ZNF248: variants seen among roughly 807,000 people sequenced by gnomAD.
ZNF248 encodes the protein zinc finger protein 248.
In ZNF248, 20 loss-of-function variants were observed where a neutral mutation model predicts 44.3. The ratio of observed to expected loss-of-function variants is 0.45; its 90% CI spans 0.32 to 0.66. The LOEUF is 0.66. Ranked by LOEUF, ZNF248 falls within the 30% of genes least tolerant of loss-of-function variation. The probability of loss-of-function intolerance (pLI) is 0.04; values close to 1 mark genes in which losing one functional copy is unlikely to be tolerated. For synonymous variants in ZNF248, 224 were observed against 229.0 expected, an observed-to-expected ratio of 0.98 and a Z score of 0.20; for missense variants, 654 against 677.0, an observed-to-expected ratio of 0.97 and a Z score of 0.38.
chr10:37,851,342 GGAATCTA>G (rs1475874088), intron 3 of ZNF248, among the ~76,000 whole-genome samples: 1 of 152,104 alleles, frequency 6.6e-6, no homozygotes, highest in Non-Finnish European at 1.5e-5. Flanking sequence ...TGGTACCAGG[GGAATCTA>G]CATTAATTAG....
chr10:37,819,571 T>G (rs2053121863), intron 6 of ZNF248: 1 of 907,460 alleles, frequency 1.1e-6, no homozygotes, highest in Admixed American at 1.7e-5. Flanking sequence ...CTTTAAATTG[T>G]GAGTTATCTT....
downstream of ZNF248, among the ~76,000 whole-genome samples, chr10:37,774,788 T>C (rs1421387258): frequency 7.5e-6 from 1 of 133,850 alleles, no homozygotes; most frequent in African/African-American, 2.5e-5. Flanking sequence ...TCTTTATTCT[T>C]TTTTTTTTGA....
rs1158282211 is a variant in ZNF248 at position 37,822,102 on chromosome 10, T to A, written c.330+10923A>T. On this transcript the variant is annotated intron_variant, in intron 6 of 6. Coordinates refer to the ZNF248 transcript ENST00000615949. ...TCACATTGCTGAATTTAGTGTCCCA[T>A]GAGCCACTGTAGACACTCGGTAGCA... Among the ~76,000 whole-genome samples the A allele has an allele frequency of 2.0e-5, 3 of 152,208 alleles. No homozygotes were observed. In the East Asian group the frequency reaches 5.8e-4, roughly 29 times the overall value.
At chr10:37,798,483 A>G (rs1325062906) in intron 6 of ZNF248, among the ~76,000 whole-genome samples, 2 of 152,148 alleles carry the variant, frequency 1.3e-5, no homozygotes, top group African/African-American at 2.4e-5. Context: ...CATGTGCACT[A>G]ATTTGGAAAG....
intron 6 of ZNF248, chr10:37,818,796 T>C: frequency 4.9e-6 from 4 of 824,720 alleles, no homozygotes; most frequent in Admixed American, 1.9e-5. Context: ...CAGGTGTTAC[T>C]ACTCATTTTG....
Position 37,828,940 on chromosome 10 carries a change from G to A in ZNF248, c.*2675C>T, listed in dbSNP as rs1314906365. 1.0e-6 allele frequency: 1 copy of A among 985,244 alleles called. No individual in the cohort carries two copies. Among genetic ancestry groups the A allele is most frequent in the Admixed American group, 6.2e-5 (1 of 16,258 alleles). The allele number at this position is 985,244 out of a possible 1,614,324, so 61.0% of individuals were successfully genotyped here. On this transcript the variant is annotated 3_prime_UTR_variant, in exon 6 of 6. Coordinates refer to ENST00000395867, the MANE Select transcript of ZNF248 (RefSeq NM_021045.3). ...CAAAGGGAGTTTACTTATGCTAACAGGAAAGCAGAACAAACAGAAACACTT... is the reference window on the plus strand; with the variant it reads ...CAAAGGGAGTTTACTTATGCTAACAAGAAAGCAGAACAAACAGAAACACTT...
chr10:37,791,042 CTTTTTTTTTT>C lies in ZNF248; in HGVS notation c.331-14477_331-14468del, dbSNP rs869199263. On this transcript the variant is annotated intron_variant, in intron 6 of 6. Transcript: ENST00000615949. ...TTGTTTCTCTTATACTTTGTTATTT[CTTTTTTTTTT>C]TTTTTTTTTTTTTTTTTTTGAGACA... 2.7e-4 allele frequency among the ~76,000 whole-genome samples: 14 copies of C among 50,938 alleles called. No homozygotes were observed. In the East Asian group the frequency reaches 3.0e-3, roughly 11 times the overall value. The allele number at this position is 50,938 out of a possible 152,430, so 33.4% of individuals were successfully genotyped here. A position where few individuals can be genotyped will look rare whatever the true frequency, so the allele number is the denominator to read the frequency against.
At chr10:37,838,939 A>G (rs1315687464) in intron 3 of ZNF248, among the ~76,000 whole-genome samples, 1 of 152,178 alleles carries the variant, frequency 6.6e-6, no homozygotes, top group Non-Finnish European at 1.5e-5. Context: ...AGCAAGCCTG[A>G]GACTACTAAC....
At chr10:37,839,676 A>C (rs552858114) in intron 3 of ZNF248, among the ~76,000 whole-genome samples, 1 of 152,312 alleles carries the variant, frequency 6.6e-6, no homozygotes, top group East Asian at 1.9e-4. Context: ...AAAATACATA[A>C]GGCAAAAACT....
chr10:37,811,437 T>A (rs1182245394), intron 6 of ZNF248, among the ~76,000 whole-genome samples: 2 of 151,214 alleles, frequency 1.3e-5, no homozygotes, highest in Non-Finnish European at 2.9e-5. Context: ...AAAAAATAAA[T>A]AAATAAATAA....
chr10:37,852,381 G>A (rs2060427395), intron 3 of ZNF248, among the ~76,000 whole-genome samples: 2 of 152,266 alleles, frequency 1.3e-5, no homozygotes, highest in South Asian at 2.1e-4. Flanking sequence ...AACCCCAAGA[G>A]GTTAATGTTG....
chr10:37,763,563 A>T, the ZNF248 span, among the ~76,000 whole-genome samples: 11 of 152,364 alleles, frequency 7.2e-5, no homozygotes, highest in African/African-American at 2.6e-4. Flanking sequence ...AAAAGACTGT[A>T]TTAATATAAA....
chr10:37,843,338 T>C lies in ZNF248; in HGVS notation c.16-5227A>G, dbSNP rs1294341538. On this transcript the variant is annotated intron_variant, in intron 3 of 5. Transcript: ENST00000395867. The stretch of plus-strand genomic sequence containing the variant: ...TGCAAGGGAGGCTGATGTAGGAGAA[T>C]TGCTTGAACCCGGGAGGCAGAGGTT... Among the ~76,000 whole-genome samples the C allele has an allele frequency of 2.6e-5, 4 of 151,582 alleles. No homozygotes were observed. The South Asian group carries it at 6.2e-4, about 24-fold the overall frequency.
intron 5 of ZNF248, among the ~76,000 whole-genome samples, chr10:37,834,889 T>C (rs1001428088): frequency 1.3e-5 from 2 of 152,124 alleles, no homozygotes; most frequent in Non-Finnish European, 2.9e-5. Context: ...TTGACATAAA[T>C]TTTAGGGAGC....
At chr10:37,817,546 A>G (rs976412207) in intron 6 of ZNF248, among the ~76,000 whole-genome samples, 1 of 151,976 alleles carries the variant, frequency 6.6e-6, no homozygotes. Flanking sequence ...TTTTTTCCCT[A>G]CTGAGGAGGG....
the ZNF248 span, among the ~76,000 whole-genome samples, chr10:37,768,500 A>G: frequency 6.6e-6 from 1 of 152,232 alleles, no homozygotes; most frequent in Non-Finnish European, 1.5e-5. Context: ...TGGAAACTGA[A>G]CAACCTGCTC....
chr10:37,849,202 G>A (rs1489603684), intron 3 of ZNF248, among the ~76,000 whole-genome samples: 2 of 151,978 alleles, frequency 1.3e-5, no homozygotes, highest in African/African-American at 4.8e-5. Context: ...GAAAGACTAA[G>A]GCGGATCACC....
At position 37,831,556 on chromosome 10, in the gene ZNF248, T is replaced by C. The variant is rs2055630384; in HGVS notation, c.*59A>G. On this transcript the variant is annotated 3_prime_UTR_variant, in exon 6 of 6. Transcript: ENST00000395867. ...ATTTCTGACATTCTTTGGCTTTCTCTGATCTCCTTTTTTGAAACTGTATAA... is the reference window on the plus strand; with the variant it reads ...ATTTCTGACATTCTTTGGCTTTCTCCGATCTCCTTTTTTGAAACTGTATAA... The C allele has an allele frequency of 6.4e-7, 1 of 1,551,862 alleles. No homozygotes were observed. The highest frequency in any genetic ancestry group is 8.7e-7 in the Non-Finnish European group (1 of 1,152,070).
At chr10:37,844,307 T>C (rs912480318) in intron 3 of ZNF248, among the ~76,000 whole-genome samples, 1 of 152,108 alleles carries the variant, frequency 6.6e-6, no homozygotes, top group Non-Finnish European at 1.5e-5. Context: ...ACATTCCAGA[T>C]AAAAGCCAAG....
Sources: gnomAD v4.1 joint callset for allele counts (sites outside exome capture counted in the v4.1 genomes callset) on GRCh38, gnomAD v4.1.1 for gene constraint, MANE v1.5 for transcripts, NCBI Gene and HGNC (gene_info 2026-07-23, HGNC 2026-07-21) for gene names.